OLFM3: variants seen among roughly 807,000 people sequenced by gnomAD.
The protein encoded by OLFM3 is noelin-3.
OLFM3 carries 20 observed loss-of-function variants against 48.6 expected under a neutral mutation model. That is an observed-to-expected ratio of 0.41 (90% confidence interval 0.29 to 0.60). The LOEUF (loss-of-function observed/expected upper bound fraction) is 0.60. Among genes scored for constraint, OLFM3 ranks in the 20% least tolerant of loss-of-function variants. OLFM3 has a pLI of 0.28. For missense variants in OLFM3, 437 were observed against 544.3 expected, an observed-to-expected ratio of 0.80 and a Z score of 1.96; for synonymous variants, 222 against 198.1, an observed-to-expected ratio of 1.12 and a Z score of -1.01.
At chr1:101,986,897 T>G (rs1276345611) in intron 1 of OLFM3, among the ~76,000 whole-genome samples, 1 of 152,036 alleles carries the variant, frequency 6.6e-6, no homozygotes, top group Non-Finnish European at 1.5e-5. Flanking sequence ...AGCAATAAAG[T>G]TAACTGAAAT....
intron 1 of OLFM3, among the ~76,000 whole-genome samples, chr1:101,981,083 C>CCA (rs1251724384): frequency 1.3e-5 from 2 of 152,172 alleles, no homozygotes; most frequent in African/African-American, 4.8e-5. Context: ...AAGCCCTTTG[C>CCA]CACACTTCTC....
At chr1:101,905,674 A>T (rs1038339605) in intron 1 of OLFM3, among the ~76,000 whole-genome samples, 27 of 152,128 alleles carry the variant, frequency 1.8e-4, no homozygotes, top group Non-Finnish European at 8.8e-5. Flanking sequence ...CGCTTTAAAC[A>T]TTGTGAACAC....
At chr1:101,889,017 G>A (rs1657884602) in intron 1 of OLFM3, among the ~76,000 whole-genome samples, 1 of 152,136 alleles carries the variant, frequency 6.6e-6, no homozygotes, top group South Asian at 2.1e-4. Context: ...TGCTGGAGAG[G>A]ATGTGGAGAA....
At chr1:101,887,673 A>G (rs1189536888) in intron 1 of OLFM3, among the ~76,000 whole-genome samples, 1 of 152,066 alleles carries the variant, frequency 6.6e-6, no homozygotes, top group Non-Finnish European at 1.5e-5. Context: ...CTTACTTTCC[A>G]AAATAAAATC....
intron 1 of OLFM3, among the ~76,000 whole-genome samples, chr1:101,866,172 C>T (rs1324156308): frequency 6.6e-6 from 1 of 152,050 alleles, no homozygotes; most frequent in Non-Finnish European, 1.5e-5. Context: ...TTTAAGGAAA[C>T]ACTATGTTTA....
chr1:101,901,536 G>A (rs1235652747), intron 1 of OLFM3, among the ~76,000 whole-genome samples: 2 of 152,026 alleles, frequency 1.3e-5, no homozygotes, highest in East Asian at 1.9e-4. Context: ...GATGACAGGG[G>A]ACACTGTCAG....
rs373957993 is a variant in OLFM3, at chr1:101,898,217, CATT to C, written c.70-61195_70-61193del. Among the ~76,000 whole-genome samples, 55 of 152,160 alleles carry C rather than the reference CATT, an allele frequency of 3.6e-4. No individual in the cohort carries two copies. In the South Asian group the frequency reaches 0.011, roughly 30 times the overall value. ...AAAAAACTGATTATTTTTGAGCAAT[CATT>C]ATATAGAATATAATATTGAGTGGAA... is the stretch of plus-strand genomic sequence containing the variant. On this transcript the variant is annotated intron_variant, in intron 1 of 5. Transcript: ENST00000370103.
intron 1 of OLFM3, among the ~76,000 whole-genome samples, chr1:101,888,814 A>T (rs1262611167): frequency 6.6e-6 from 1 of 152,180 alleles, no homozygotes. Context: ...GAAAAAAATC[A>T]AACAACCCCA....
chr1:101,930,742 G>A (rs890530345), intron 1 of OLFM3, among the ~76,000 whole-genome samples: 2 of 152,140 alleles, frequency 1.3e-5, no homozygotes, highest in African/African-American at 4.8e-5. Flanking sequence ...AGGAGCTGCC[G>A]TTATGATCTT....
intron 1 of OLFM3, among the ~76,000 whole-genome samples, chr1:101,861,131 G>A (rs903950172): frequency 2.6e-5 from 4 of 151,776 alleles, no homozygotes; most frequent in Non-Finnish European, 5.9e-5. Flanking sequence ...GTGCGATCTC[G>A]GCTCACTGCA....
At chr1:101,869,541 T>G (rs543751688) in intron 1 of OLFM3, among the ~76,000 whole-genome samples, 1 of 152,128 alleles carries the variant, frequency 6.6e-6, no homozygotes, top group African/African-American at 2.4e-5. Context: ...TGGGTTAATG[T>G]TGGAATGAGT....
At chr1:101,896,670 AT>A (rs3079210) in intron 1 of OLFM3, among the ~76,000 whole-genome samples, 24,551 of 105,592 alleles carry the variant, frequency 0.23, 2,606 homozygotes, top group Middle Eastern at 0.29. Flanking sequence ...GATTTTTTGT[AT>A]TTTTTTTTTT....
intron 1 of OLFM3, among the ~76,000 whole-genome samples, chr1:101,935,403 C>A (rs1659581380): frequency 6.6e-6 from 1 of 151,712 alleles, no homozygotes. Context: ...AGGAAACATA[C>A]AATCTCCCAA....
At chr1:101,843,794 C>G (rs1655848739) in intron 1 of OLFM3, among the ~76,000 whole-genome samples, 1 of 152,142 alleles carries the variant, frequency 6.6e-6, no homozygotes, top group Admixed American at 6.5e-5. Flanking sequence ...TCATTTGAAA[C>G]TATCATTCTA....
chr1:101,913,685 GA>G (rs5776609), intron 1 of OLFM3, among the ~76,000 whole-genome samples: 48,561 of 137,148 alleles, frequency 0.35, 8,254 homozygotes, highest in Non-Finnish European at 0.44. Flanking sequence ...AAGCCCTACA[GA>G]AAAAAAAAAA....
rs1660566970 is a variant in OLFM3 at position 101,964,903 on chromosome 1, C to A, written c.69+31845G>T. On this transcript the variant is annotated intron_variant, in intron 1 of 5. Coordinates refer to ENST00000370103, the MANE Select transcript of OLFM3 (RefSeq NM_058170.4). ...CAAGGGAACTGGCATTTTGCCATAA[C>A]CTCTCTCATTTATTTGAGGGTATGT... is the stretch of plus-strand genomic sequence containing the variant. 2.0e-5 allele frequency among the ~76,000 whole-genome samples: 3 copies of A among 152,190 alleles called. 1 individual carries two copies.
chr1:101,936,718 C>T (rs959948919), intron 1 of OLFM3, among the ~76,000 whole-genome samples: 9 of 152,240 alleles, frequency 5.9e-5, no homozygotes, highest in African/African-American at 2.2e-4. Context: ...TACTGCAATG[C>T]TAGAGTAATC....
chr1:101,929,752 A>C (rs758602785), intron 1 of OLFM3, among the ~76,000 whole-genome samples: 4 of 152,158 alleles, frequency 2.6e-5, no homozygotes, highest in African/African-American at 9.7e-5. Flanking sequence ...AAAGTCAGAG[A>C]GAATAGAATT....
rs1657977970 is a variant in OLFM3 at position 101,891,133 on chromosome 1, T to C, written c.70-54108A>G. Among the ~76,000 whole-genome samples, 3 of 152,124 alleles carry C rather than the reference T, an allele frequency of 2.0e-5. No homozygotes were observed. The Middle Eastern group carries it at 0.01, about 517-fold the overall frequency. The stretch of plus-strand genomic sequence containing the variant: ...TGGTTGAACTAACGTCAGCACCCTG[T>C]AGACTGTTCTTGGTGCAAAAGAATA... On this transcript the variant is annotated intron_variant, in intron 1 of 5. Coordinates refer to ENST00000370103, the MANE Select transcript of OLFM3 (RefSeq NM_058170.4).
Sources: allele counts gnomAD v4.1 joint callset (sites outside exome capture counted in the v4.1 genomes callset), GRCh38; gene constraint gnomAD v4.1.1; transcripts MANE v1.5; gene names NCBI Gene and HGNC (gene_info 2026-07-23, HGNC 2026-07-21).